The following NBEA variants were observed in gnomAD, a reference collection of about 807,000 sequenced individuals.
NBEA encodes neurobeachin.
A neutral mutation model predicts 343.4 loss-of-function variants in NBEA; 44 were observed. That is an observed-to-expected ratio of 0.13 (90% CI 0.10 to 0.16). The LOEUF is 0.16. NBEA is among the 10% of genes least tolerant of loss of function. NBEA has a pLI of 1.00. For synonymous variants in NBEA, 1,175 were observed against 1,238.7 expected, an observed-to-expected ratio of 0.95 and a Z score of 1.08; for missense variants, 2,555 against 3,631.3, an observed-to-expected ratio of 0.70 and a Z score of 7.62.
chr13:35,092,317 A>G (rs1037467788), intron 10 of NBEA, among the ~76,000 whole-genome samples: 2 of 152,006 alleles, frequency 1.3e-5, no homozygotes, highest in Non-Finnish European at 2.9e-5. Flanking sequence ...GGGTAGGCAA[A>G]GCTTTCTTAG....
intron 8 of NBEA, among the ~76,000 whole-genome samples, chr13:35,064,579 G>A (rs542563449): frequency 3.4e-4 from 51 of 152,088 alleles, no homozygotes; most frequent in African/African-American, 1.2e-3. Flanking sequence ...GTTGAGGTAT[G>A]TTACAAGGTG....
At chr13:35,023,422 A>C (rs985503387) in intron 1 of NBEA, among the ~76,000 whole-genome samples, 1 of 152,198 alleles carries the variant, frequency 6.6e-6, no homozygotes, top group Admixed American at 6.5e-5. Context: ...TACTTTTTTC[A>C]ATTTTTATCT....
chr13:35,104,518 A>C (rs2065819173), intron 11 of NBEA, among the ~76,000 whole-genome samples: 1 of 151,946 alleles, frequency 6.6e-6, no homozygotes, highest in Non-Finnish European at 1.5e-5. Flanking sequence ...TTGTCTGATT[A>C]CCTGCAAAGA....
chr13:35,180,366 A>C (rs2152729282), intron 28 of NBEA, among the ~76,000 whole-genome samples: 1 of 151,884 alleles, frequency 6.6e-6, no homozygotes, highest in East Asian at 1.9e-4. Context: ...TAGACTTGAT[A>C]CTTATTGTTT....
rs576604118 is a variant in NBEA, at chr13:35,403,663, C to T, written c.6180-28606C>T. 3.1e-3 allele frequency among the ~76,000 whole-genome samples: 477 copies of T among 151,998 alleles called. 1 individual carries two copies. Among genetic ancestry groups the T allele is most frequent in the Middle Eastern group, 0.01 (3 of 294 alleles). On this transcript the variant is annotated intron_variant, in intron 38 of 58. Coordinates refer to ENST00000379939, the MANE Select transcript of NBEA (RefSeq NM_001385012.1). ...AAACCATAAAGTCCCTAGAAGAAAA[C>T]CTAGGCATTACCATTCAGGACATAG...
In NBEA at chr13:35,665,103, G is replaced by C; in HGVS notation, c.8381G>C (p.Arg2794Thr). Residue 2794 changes from arginine (R) to threonine (T), a missense_variant, in exon 56 of 59, where the codon AGA (arginine) becomes ACA (threonine). Transcript: ENST00000379939. ...NPNSSDYPAP[R>T]AVLTGHDHEV... The stretch of plus-strand genomic sequence containing the variant: ...CTTGCAGGTGACTATCCGGCACCAA[G>C]AGCCGTCCTCACAGGCCATGACCAT... 1 of 1,575,558 alleles carries C rather than the reference G, an allele frequency of 6.3e-7. No homozygotes were observed. Among genetic ancestry groups the C allele is most frequent in the Non-Finnish European group, 8.6e-7 (1 of 1,158,128 alleles).
At chr13:35,225,842 A>T (rs1395664782) in intron 33 of NBEA, among the ~76,000 whole-genome samples, 1 of 152,054 alleles carries the variant, frequency 6.6e-6, no homozygotes, top group Non-Finnish European at 1.5e-5. Flanking sequence ...CAGCTCTCTG[A>T]TGAGGCCTAA....
At chr13:35,426,358 C>T (rs1437908551) in intron 38 of NBEA, among the ~76,000 whole-genome samples, 1 of 152,314 alleles carries the variant, frequency 6.6e-6, no homozygotes, top group African/African-American at 2.4e-5. Flanking sequence ...GACAAAATCT[C>T]TCAGCATTTG....
chr13:35,392,644 CTA>C (rs1469763600), intron 38 of NBEA, among the ~76,000 whole-genome samples: 1 of 152,036 alleles, frequency 6.6e-6, no homozygotes, highest in African/African-American at 2.4e-5. Flanking sequence ...ATGAGAAAAA[CTA>C]TGATTTGCAA....
intron 44 of NBEA, among the ~76,000 whole-genome samples, chr13:35,560,877 A>G (rs2079827018): frequency 6.6e-6 from 1 of 152,180 alleles, no homozygotes; most frequent in African/African-American, 2.4e-5. Flanking sequence ...AGCATCCACC[A>G]TACCAGCAGT....
intron 51 of NBEA, among the ~76,000 whole-genome samples, chr13:35,646,677 A>G (rs533568576): frequency 6.6e-6 from 1 of 152,360 alleles, no homozygotes; most frequent in Non-Finnish European, 1.5e-5. Context: ...ATTACAATGA[A>G]AAATGTATTG....
At chr13:34,950,419 A>G (rs950963356) in intron 1 of NBEA, among the ~76,000 whole-genome samples, 1 of 152,138 alleles carries the variant, frequency 6.6e-6, no homozygotes, top group African/African-American at 2.4e-5. Context: ...CAGATGTTTC[A>G]GTGCATCATT....
At chr13:35,237,595 G>A (rs2075295272) in intron 34 of NBEA, among the ~76,000 whole-genome samples, 1 of 152,058 alleles carries the variant, frequency 6.6e-6, no homozygotes, top group Non-Finnish European at 1.5e-5. Flanking sequence ...TTCCATTTAA[G>A]AAATAGTGCT....
At chr13:35,295,368 A>G (rs1313556042) in intron 35 of NBEA, among the ~76,000 whole-genome samples, 1 of 151,844 alleles carries the variant, frequency 6.6e-6, no homozygotes, top group African/African-American at 2.4e-5. Context: ...TTCATTTTCT[A>G]ATATCTAAGA....
chr13:34,952,912 A>G (rs994630212), intron 1 of NBEA, among the ~76,000 whole-genome samples: 2 of 152,150 alleles, frequency 1.3e-5, no homozygotes, highest in African/African-American at 4.8e-5. Flanking sequence ...GTCCTCTTCC[A>G]ACTCCTTTGA....
chr13:35,085,621 A>G (rs1208851586), intron 10 of NBEA, among the ~76,000 whole-genome samples: 1 of 152,180 alleles, frequency 6.6e-6, no homozygotes, highest in African/African-American at 2.4e-5. Flanking sequence ...CCCACAGCCA[A>G]TATCATACTG....
intron 1 of NBEA, among the ~76,000 whole-genome samples, chr13:34,951,020 G>A (rs2059334411): frequency 6.6e-6 from 1 of 152,160 alleles, no homozygotes; most frequent in African/African-American, 2.4e-5. Flanking sequence ...GCTAGGGCAA[G>A]TTAAAATAAT....
intron 38 of NBEA, among the ~76,000 whole-genome samples, chr13:35,412,363 T>C (rs890617921): frequency 6.6e-5 from 10 of 152,156 alleles, no homozygotes; most frequent in African/African-American, 1.4e-4. Flanking sequence ...TTCAACATAT[T>C]TTGTAATCAT....
intron 22 of NBEA, among the ~76,000 whole-genome samples, chr13:35,160,834 C>A (rs1213290072): frequency 6.6e-6 from 1 of 152,044 alleles, no homozygotes; most frequent in South Asian, 2.1e-4. Flanking sequence ...ATAAATAATA[C>A]CTTATGGTTA....
Sources: gnomAD v4.1 joint callset for allele counts (sites outside exome capture counted in the v4.1 genomes callset) on GRCh38, gnomAD v4.1.1 for gene constraint, MANE v1.5 for transcripts, NCBI Gene and HGNC (gene_info 2026-07-23, HGNC 2026-07-21) for gene names.